The following SHTN1 variants were observed in gnomAD, a reference collection of about 807,000 sequenced individuals.
SHTN1 encodes shootin 1, also known as shootin-1.
A neutral mutation model predicts 83.1 loss-of-function variants in SHTN1; 42 were observed. That is an observed-to-expected ratio of 0.51 (90% CI 0.39 to 0.65). The LOEUF is 0.65. SHTN1 is among the 30% of genes least tolerant of loss of function. The pLI is 0.00. For missense variants in SHTN1, 622 were observed against 737.8 expected, an observed-to-expected ratio of 0.84 and a Z score of 1.82; for synonymous variants, 224 against 247.7, an observed-to-expected ratio of 0.90 and a Z score of 0.90.
intron 7 of SHTN1, among the ~76,000 whole-genome samples, chr10:116,946,390 T>A (rs929232143): frequency 1.4e-5 from 2 of 146,964 alleles, no homozygotes; most frequent in African/African-American, 2.5e-5. Context: ...TATATACATT[T>A]TTATGTATAA....
At position 117,078,736 on chromosome 10, in the gene SHTN1, G is replaced by C. The variant is rs373058389; in HGVS notation, c.-188-30226C>G. Reference sequence around the variant, plus strand: ...ACAGAAACAAAGGAAGAAATGAAGAGAACCAGAAGAGTAAAAACATGTAGG... The same window carrying C: ...ACAGAAACAAAGGAAGAAATGAAGACAACCAGAAGAGTAAAAACATGTAGG... On this transcript the variant is annotated intron_variant, in intron 1 of 17. Coordinates refer to the SHTN1 transcript ENST00000392901. 2.6e-4 allele frequency among the ~76,000 whole-genome samples: 39 copies of C among 152,216 alleles called. 1 individual carries two copies. In the East Asian group the frequency reaches 7.0e-3, roughly 27 times the overall value.
chr10:116,942,086 T>C (rs1283301342), intron 8 of SHTN1, among the ~76,000 whole-genome samples: 2 of 152,206 alleles, frequency 1.3e-5, no homozygotes, highest in Non-Finnish European at 2.9e-5. Flanking sequence ...TACACTTGGC[T>C]GGAGAAGGGT....
intron 1 of SHTN1, among the ~76,000 whole-genome samples, chr10:117,063,841 C>T (rs1852934417): frequency 6.6e-6 from 1 of 152,122 alleles, no homozygotes; most frequent in Admixed American, 6.5e-5. Context: ...TTCAGTTCTC[C>T]ACTGCAATGT....
chr10:117,060,388 G>A (rs10749238), intron 1 of SHTN1, among the ~76,000 whole-genome samples: 99,134 of 151,914 alleles, frequency 0.65, 36,114 homozygotes, highest in Middle Eastern at 0.84. Context: ...TAGATATAAA[G>A]GGAAGCTCTT....
intron 1 of SHTN1, among the ~76,000 whole-genome samples, chr10:117,097,397 C>T (rs1179897592): frequency 6.6e-6 from 1 of 152,212 alleles, no homozygotes; most frequent in African/African-American, 2.4e-5. Context: ...ATTCTTACGG[C>T]AAAATTTTAA....
chr10:116,953,623 G>GTTTTTT lies in SHTN1; in HGVS notation c.436+413_436+418dup, dbSNP rs759706275. On this transcript the variant is annotated intron_variant, in intron 5 of 16. Transcript: ENST00000355371. The stretch of plus-strand genomic sequence containing the variant: ...GACCCAGGCATCAGTTTTGTGTTTT[G>GTTTTTT]TTTTTTTTTTTTTTTTTTTTTTGAG... Among the ~76,000 whole-genome samples the GTTTTTT allele has an allele frequency of 3.5e-3, 324 of 92,676 alleles. 15 individuals are homozygous for GTTTTTT. Among genetic ancestry groups the GTTTTTT allele is most frequent in the African/African-American group, 4.3e-3 (99 of 23,032 alleles). The allele number at this position is 92,676 out of a possible 152,430, so 60.8% of individuals were successfully genotyped here. A position where few individuals can be genotyped will look rare whatever the true frequency, so the allele number is the denominator to read the frequency against.
chr10:116,884,265 A>G lies in SHTN1; in HGVS notation c.*2079T>C. On this transcript the variant is annotated 3_prime_UTR_variant, in exon 17 of 17. Coordinates refer to ENST00000355371, the MANE Select transcript of SHTN1 (RefSeq NM_001127211.3). The stretch of plus-strand genomic sequence containing the variant: ...ATCCCTTGCTTTGGTTGACAGTGTC[A>G]CCCCAGCCAGGGGCAAAACCCCCTC... 1 of 459,216 alleles carries G rather than the reference A, an allele frequency of 2.2e-6. No individual in the cohort carries two copies. Among genetic ancestry groups the G allele is most frequent in the Non-Finnish European group, 4.4e-6 (1 of 228,208 alleles). The allele number at this position is 459,216 out of a possible 1,614,324, so 28.4% of individuals were successfully genotyped here. A position where few individuals can be genotyped will look rare whatever the true frequency, so the allele number is the denominator to read the frequency against.
intron 5 of SHTN1, among the ~76,000 whole-genome samples, 168 bp downstream of exon 5, chr10:116,953,874 C>A (rs1427455466): frequency 6.6e-6 from 1 of 152,088 alleles, no homozygotes; most frequent in Non-Finnish European, 1.5e-5. Flanking sequence ...GGTGATCCAC[C>A]CGCCTTGGCC....
At chr10:117,098,151 G>T (rs1180607906) in intron 1 of SHTN1, among the ~76,000 whole-genome samples, 1 of 151,184 alleles carries the variant, frequency 6.6e-6, no homozygotes, top group African/African-American at 2.4e-5. Context: ...CACTTTGGGA[G>T]GCCAAGAAGG....
At position 116,893,576 on chromosome 10, in the gene SHTN1, G is replaced by GCGCACACACACACACACACACACA. The variant is rs1554905664; in HGVS notation, c.1674-7011_1674-7010insTGTGTGTGTGTGTGTGTGTGTGCG. Among the ~76,000 whole-genome samples, 294 of 123,592 alleles carry GCGCACACACACACACACACACACA rather than the reference G, an allele frequency of 2.4e-3. 7 individuals are homozygous for GCGCACACACACACACACACACACA. In the East Asian group the frequency reaches 0.036, roughly 15 times the overall value. The allele number at this position is 123,592 out of a possible 152,430, so 81.1% of individuals were successfully genotyped here. A position where few individuals can be genotyped will look rare whatever the true frequency, so the allele number is the denominator to read the frequency against. On this transcript the variant is annotated intron_variant, in intron 16 of 16. Coordinates refer to ENST00000355371, the MANE Select transcript of SHTN1 (RefSeq NM_001127211.3). ...CCCCCTCCCTGATAGGCACTCATGT[G>GCGCACACACACACACACACACACA]CACACACACACACACACACACGAGA...
chr10:117,097,694 T>G (rs1018226393), intron 1 of SHTN1, among the ~76,000 whole-genome samples: 1 of 152,186 alleles, frequency 6.6e-6, no homozygotes, highest in African/African-American at 2.4e-5. Flanking sequence ...CAGTTTACAC[T>G]TTAATCTCCA....
intron 1 of SHTN1, among the ~76,000 whole-genome samples, chr10:117,120,701 G>A (rs1018040937): frequency 3.3e-5 from 5 of 152,164 alleles, no homozygotes; most frequent in Non-Finnish European, 5.9e-5. Context: ...CCTAGTGTTA[G>A]ATAGATGAGC....
intron 1 of SHTN1, among the ~76,000 whole-genome samples, chr10:117,056,225 G>A (rs1389429452): frequency 1.3e-5 from 2 of 152,154 alleles, no homozygotes; most frequent in East Asian, 1.9e-4. Flanking sequence ...TATGAGGTTA[G>A]TATTACCCTG....
At chr10:117,006,947 A>C (rs542696134), upstream of SHTN1, among the ~76,000 whole-genome samples, 1 of 152,252 alleles carries the variant, frequency 6.6e-6, no homozygotes, top group East Asian at 1.9e-4. Context: ...CTCTTTCTCT[A>C]AAATGGCAAT....
chr10:116,979,352 T>TTAC, intron 1 of SHTN1, 44 bp from the exon 2 acceptor site: 1 of 1,554,046 alleles, frequency 6.4e-7, no homozygotes, highest in Non-Finnish European at 8.9e-7. Flanking sequence ...TGTCAAAAGT[T>TTAC]TACTGCAGGG....
intron 2 of SHTN1, among the ~76,000 whole-genome samples, chr10:117,030,229 G>A (rs1297784931): frequency 1.3e-5 from 2 of 152,134 alleles, no homozygotes; most frequent in East Asian, 3.9e-4. Context: ...TTATAGCAAT[G>A]TGAGAATGAC....
At chr10:117,042,351 T>C (rs1251425803) in intron 2 of SHTN1, among the ~76,000 whole-genome samples, 1 of 152,144 alleles carries the variant, frequency 6.6e-6, no homozygotes, top group Non-Finnish European at 1.5e-5. Context: ...AGAATATATA[T>C]TCCATGGTGC....
chr10:116,926,044 T>A (rs192644827), intron 11 of SHTN1, among the ~76,000 whole-genome samples: 133 of 152,320 alleles, frequency 8.7e-4, no homozygotes, highest in African/African-American at 3.1e-3. Flanking sequence ...CCTATACTAT[T>A]TAAATTCATC....
At chr10:116,914,670 G>C (rs918916381) in intron 13 of SHTN1, among the ~76,000 whole-genome samples, 2 of 151,988 alleles carry the variant, frequency 1.3e-5, no homozygotes, top group East Asian at 3.9e-4. Context: ...AATTAGAGAG[G>C]AGAGAGAGTA....
Sources: allele counts gnomAD v4.1 joint callset (sites outside exome capture counted in the v4.1 genomes callset), GRCh38; gene constraint gnomAD v4.1.1; transcripts MANE v1.5; gene names NCBI Gene and HGNC (gene_info 2026-07-23, HGNC 2026-07-21).